MYCBPAP: variants seen among roughly 807,000 people sequenced by gnomAD.
MYCBPAP encodes MYCBP associated protein, also known as MYCBP-associated protein.
Under a neutral mutation model 106.1 loss-of-function variants are expected in MYCBPAP, and 60 were observed. That is an observed-to-expected ratio of 0.57 (90% confidence interval 0.46 to 0.70). The LOEUF is 0.70. Among genes scored for constraint, MYCBPAP ranks in the 30% least tolerant of loss-of-function variants. The probability of loss-of-function intolerance (pLI) is 0.00; values close to 1 mark genes in which losing one functional copy is unlikely to be tolerated. For missense variants in MYCBPAP, 1,064 were observed against 1,169.3 expected (o/e 0.91, Z 1.31); for synonymous variants, 407 against 440.6 (o/e 0.92, Z 0.95).
At chr17:50,525,715 T>C (rs2034436385) in intron 13 of MYCBPAP, among the ~76,000 whole-genome samples, 166 bp from the exon 14 acceptor site, 1 of 145,014 alleles carries the variant, frequency 6.9e-6, no homozygotes, top group African/African-American at 2.5e-5. Flanking sequence ...GGTCTTGAAC[T>C]CCTGAGTTCA....
Position 50,528,829 on chromosome 17 carries a change from C to T in MYCBPAP, c.2542C>T (p.Leu848Phe), listed in dbSNP as rs1354773187. 1.9e-6 allele frequency: 3 copies of T among 1,613,490 alleles called. No individual in the cohort carries two copies. In the East Asian group the frequency reaches 6.7e-5, roughly 36 times the overall value. ...DKEDKKGAKL[L>F]GKEDRPNSKK... ...AGAAGACAAGAAAGGAGCCAAGCTG[C>T]TCGGGAAAGAGGCATGCTGGGGCGT... The change falls in exon 17 of 19, where the codon CTC becomes TTC. Residue 848 changes from leucine to phenylalanine, a missense_variant. Coordinates refer to ENST00000323776, the MANE Select transcript of MYCBPAP (RefSeq NM_032133.6).
At chr17:50,527,222 A>G (rs746856761) in intron 14 of MYCBPAP, 65 bp from the exon 15 acceptor site, 4 of 1,600,114 alleles carry the variant, frequency 2.5e-6, no homozygotes, top group Non-Finnish European at 3.4e-6. Context: ...CCACATCACC[A>G]TGCCCTTCAC....
At chr17:50,530,655 G>T (rs1321973094) in intron 18 of MYCBPAP, among the ~76,000 whole-genome samples, 1 of 151,462 alleles carries the variant, frequency 6.6e-6, no homozygotes, top group East Asian at 1.9e-4. Flanking sequence ...GAATCAACTT[G>T]TCTGGGCTTG....
In MYCBPAP at chr17:50,508,686, A is replaced by G. The variant is rs1260982856; in HGVS notation, c.12A>G (p.Leu4=). MKS[L]KKDSRLRITP... ...TGCCGGGCGGCACCATGAAGTCTCT[A>G]AAGAAGGATTCCCGCCTCAGAATAA... is the stretch of plus-strand genomic sequence containing the variant. The change falls in exon 1 of 19, where the codon CTA becomes CTG. Residue 4 remains leucine, a synonymous_variant. Coordinates refer to ENST00000323776, the MANE Select transcript of MYCBPAP (RefSeq NM_032133.6). The G allele has an allele frequency of 1.9e-6, 3 of 1,608,816 alleles. No homozygotes were observed. Among genetic ancestry groups the G allele is most frequent in the Middle Eastern group, 1.7e-4 (1 of 6,046 alleles).
At position 50,521,106 on chromosome 17, in the gene MYCBPAP, CTAGGAT is replaced by C; in HGVS notation, c.917-1_921del. The C allele has an allele frequency of 6.2e-7, 1 of 1,609,172 alleles. No homozygotes were observed. The highest frequency in any genetic ancestry group is 8.5e-7 in the Non-Finnish European group (1 of 1,177,992). On this transcript the variant is annotated splice_acceptor_variant and splice_polypyrimidine_tract_variant and coding_sequence_variant and intron_variant, in exon 8 of 19. Coordinates refer to ENST00000323776, the MANE Select transcript of MYCBPAP (RefSeq NM_032133.6). LOFTEE classifies it high-confidence loss of function. The stretch of plus-strand genomic sequence containing the variant: ...GTGCTGAGGGTCCTTGGACCTCATG[CTAGGAT>C]TACCAGCCCAGAGGGACGCTTCATA...
intron 4 of MYCBPAP, 54 bp downstream of exon 4, chr17:50,517,752 C>A: frequency 6.9e-7 from 1 of 1,453,232 alleles, no homozygotes; most frequent in South Asian, 1.1e-5. Context: ...TCATTTTGGT[C>A]TCCCACCTGA....
In MYCBPAP at chr17:50,529,018, G is replaced by A. The variant is rs563334490; in HGVS notation, c.2554G>A (p.Asp852Asn). 178 of 1,613,640 alleles carry A rather than the reference G, an allele frequency of 1.1e-4. 4 individuals carry two copies. In the South Asian group the frequency reaches 1.9e-3, roughly 17 times the overall value. ...KKGAKLLGKE[D>N]RPNSKKHKAK... ...TATGTGTGTCTCCCTCCCCCAGCAG[G>A]ACCGTCCCAACAGCAAGAAGCACAA... The change falls in exon 18 of 19, where the codon GAC becomes AAC. Residue 852 changes from aspartate to asparagine, a missense_variant and splice_region_variant. Transcript: ENST00000323776.
At chr17:50,530,318 A>G (rs1289220600) in intron 18 of MYCBPAP, 2 of 285,092 alleles carry the variant, frequency 7.0e-6, no homozygotes, top group Non-Finnish European at 1.4e-5. Flanking sequence ...ACATGGTAAG[A>G]TCCCGTTTCT....
chr17:50,528,864 C>T (rs1449222409), intron 17 of MYCBPAP, 24 bp downstream of exon 17: 51 of 1,610,100 alleles, frequency 3.2e-5, no homozygotes, highest in Non-Finnish European at 4.2e-5. Context: ...TGGTCTGGGC[C>T]AGGTGGGGCT....
intron 18 of MYCBPAP, 69 bp downstream of exon 18, chr17:50,529,257 G>C (rs778640923): frequency 6.4e-5 from 91 of 1,425,676 alleles, no homozygotes; most frequent in Admixed American, 1.4e-4. Context: ...TCAGTCTGCA[G>C]ACAATAAGTG....
intron 1 of MYCBPAP, chr17:50,510,495 GTGTGTATATATATA>G (rs2033794124): frequency 2.1e-5 from 2 of 93,052 alleles, no homozygotes; most frequent in East Asian, 2.5e-4. Context: ...GTGTGTGTGT[GTGTGTATATATATA>G]TATATATATA....
intron 1 of MYCBPAP, chr17:50,510,298 G>A (rs2033779511): frequency 6.6e-6 from 1 of 151,802 alleles, no homozygotes; most frequent in African/African-American, 2.4e-5. Flanking sequence ...GGCTGTGGCA[G>A]GAGGATTGTT....
chr17:50,514,094 GCC>G (rs976766638), intron 1 of MYCBPAP, among the ~76,000 whole-genome samples: 3 of 152,124 alleles, frequency 2.0e-5, no homozygotes. Flanking sequence ...CTCCTGTGTT[GCC>G]CAGGCTGGTT....
intron 1 of MYCBPAP, chr17:50,510,529 A>ATATATATATATG (rs2033806647): frequency 8.4e-5 from 11 of 130,850 alleles, no homozygotes; most frequent in African/African-American, 3.2e-4. Context: ...ATATATATAT[A>ATATATATATATG]TATATATGTA....
At chr17:50,511,887 C>G (rs1207933907) in intron 1 of MYCBPAP, among the ~76,000 whole-genome samples, 1 of 152,068 alleles carries the variant, frequency 6.6e-6, no homozygotes, top group Non-Finnish European at 1.5e-5. Flanking sequence ...CCTCTCCGGT[C>G]CATCTGGCTC....
At chr17:50,525,101 C>G in intron 13 of MYCBPAP, 78 bp downstream of exon 13, 1 of 1,524,852 alleles carries the variant, frequency 6.6e-7, no homozygotes, top group East Asian at 2.3e-5. Flanking sequence ...CGCACAGCGG[C>G]AGGTGAGCAG....
At chr17:50,522,709 A>AAAAAAAAAAAAAAAAATATATGTAT in intron 10 of MYCBPAP, 1 of 50,016 alleles carries the variant, frequency 2.0e-5, no homozygotes, top group Non-Finnish European at 3.4e-5. Context: ...AAAAAAAAAA[A>AAAAAAAAAAAAAAAAATATATGTAT]ATATATATAT....
intron 16 of MYCBPAP, 49 bp from the exon 17 acceptor site, chr17:50,528,646 A>G: frequency 1.3e-6 from 2 of 1,596,232 alleles, no homozygotes; most frequent in African/African-American, 1.3e-5. Flanking sequence ...TGCAGCATCC[A>G]CTAGGCTGTT....
Position 50,522,950 on chromosome 17 carries a change from G to A in MYCBPAP, c.1269G>A (p.Gly423=). The change falls in exon 11 of 19, where the codon GGG becomes GGA. Residue 423 remains glycine (G), a synonymous_variant. Transcript: ENST00000323776. ...GSNPQDKRQV[G]IAAHLTFETL... ...CCTCCTCCTTCCAGAGGCAGGTTGG[G>A]ATTGCTGCTCACTTGACCTTTGAAA... is the stretch of plus-strand genomic sequence containing the variant. The A allele has an allele frequency of 6.2e-7, 1 of 1,610,236 alleles. No individual in the cohort carries two copies. Among genetic ancestry groups the A allele is most frequent in the Non-Finnish European group, 8.5e-7 (1 of 1,176,952 alleles).
Sources: allele counts gnomAD v4.1 joint callset (sites outside exome capture counted in the v4.1 genomes callset), GRCh38; gene constraint gnomAD v4.1.1; transcripts MANE v1.5; gene names NCBI Gene and HGNC (gene_info 2026-07-23, HGNC 2026-07-21).